SLC39A13: variants seen among roughly 807,000 people sequenced by gnomAD.
SLC39A13 encodes zinc transporter ZIP13.
SLC39A13 carries 18 observed loss-of-function variants against 38.7 expected under a neutral mutation model. That is an observed-to-expected ratio of 0.47 (90% confidence interval 0.32 to 0.69). The LOEUF (loss-of-function observed/expected upper bound fraction) is 0.69. Ranked by LOEUF, SLC39A13 falls within the 30% of genes least tolerant of loss-of-function variation. The probability of loss-of-function intolerance (pLI) is 0.03; values close to 1 mark genes in which losing one functional copy is unlikely to be tolerated. For missense variants in SLC39A13, 395 were observed against 490.7 expected (o/e 0.80, Z 1.84); for synonymous variants, 212 against 219.1 (o/e 0.97, Z 0.29).
Position 47,414,843 on chromosome 11 carries a change from T to C in SLC39A13, c.853T>C (p.Ser285Pro). 6.2e-7 allele frequency: 1 copy of C among 1,612,574 alleles called. No individual in the cohort carries two copies. Among genetic ancestry groups the C allele is most frequent in the Admixed American group, 1.7e-5 (1 of 60,030 alleles). Residue 285 changes from serine to proline, a missense_variant, in exon 8 of 10, where the codon TCA becomes CCA. Physicochemically the swap from Ser to Pro is moderately conservative, Grantham distance 74 (BLOSUM62 -1). Transcript: ENST00000362021. ...ATGGAGCGCAGCCAAGCTGCAACTC[T>C]CAACAGCGCTGGGGGGCCTACTGGG... ...DRWSAAKLQLSTALGGLLGAG... is the reference protein window; with the variant it reads ...DRWSAAKLQLPTALGGLLGAG...
chr11:47,411,647 T>A (rs1335625630), intron 2 of SLC39A13, among the ~76,000 whole-genome samples: 1 of 152,156 alleles, frequency 6.6e-6, no homozygotes, highest in East Asian at 1.9e-4. Context: ...AAGACCCAAT[T>A]TACAGATGGA....
chr11:47,411,892 G>A lies in SLC39A13; in HGVS notation c.302-34G>A, dbSNP rs1199818494. On this transcript the variant is annotated intron_variant, in intron 2 of 9. Transcript: ENST00000362021. ...AAGGTCAGGCCAGGAGCTCCAGCCA[G>A]TCAGCCCCCAGACCCCGCATCTCTC... 3 of 1,595,718 alleles carry A rather than the reference G, an allele frequency of 1.9e-6. No homozygotes were observed. In the East Asian group the frequency reaches 6.8e-5, roughly 36 times the overall value.
At position 47,414,443 on chromosome 11, in the gene SLC39A13, A is replaced by G. The variant is rs2096015441; in HGVS notation, c.754A>G (p.Met252Val). 1.9e-6 allele frequency: 3 copies of G among 1,611,930 alleles called. No individual in the cohort carries two copies. The highest frequency in any genetic ancestry group is 2.7e-5 in the African/African-American group (2 of 75,022). Residue 252 changes from methionine (M) to valine (V), a missense_variant, in exon 7 of 10, where the codon ATG (methionine) becomes GTG (valine). Met to Val is a conservative substitution (Grantham distance 21). Transcript: ENST00000362021. ...VSKKIGLLTT[M>V]AILLHEIPHE... is the part of the protein sequence containing the mutation. ...CCTGCAGATCGGGCTCCTGACAACC[A>G]TGGCCATCCTCCTGCATGAGATCCC...
chr11:47,413,327 C>G (rs573022778), intron 4 of SLC39A13, 73 bp from the exon 5 acceptor site: 1 of 1,465,852 alleles, frequency 6.8e-7, no homozygotes, highest in South Asian at 1.2e-5. Flanking sequence ...TTCTCCATCT[C>G]TCTCCCCTTC....
chr11:47,411,917 C>G lies in SLC39A13; in HGVS notation c.302-9C>G. 3 of 1,611,574 alleles carry G rather than the reference C, an allele frequency of 1.9e-6. No individual in the cohort carries two copies. The highest frequency in any genetic ancestry group is 2.5e-6 in the Non-Finnish European group (3 of 1,178,980). ...GTCAGCCCCCAGACCCCGCATCTCTCCCTTGTAGCTGGGGCCTGGCGCCTG... is the reference window on the plus strand; with the variant it reads ...GTCAGCCCCCAGACCCCGCATCTCTGCCTTGTAGCTGGGGCCTGGCGCCTG... On this transcript the variant is annotated splice_polypyrimidine_tract_variant and intron_variant, in intron 2 of 9. Transcript: ENST00000362021.
At position 47,413,638 on chromosome 11, in the gene SLC39A13, C is replaced by T. The variant is rs2153299573; in HGVS notation, c.687C>T (p.Asn229=). Residue 229 remains asparagine (N), a synonymous_variant, in exon 6 of 10, where the codon AAC becomes AAT. Transcript: ENST00000362021. ...YLNLLANTID[N]FTHGLAVAAS... is the part of the protein sequence containing the mutation. Reference sequence around the variant, plus strand: ...ACCTGCTGGCCAACACCATCGATAACTTCACCCACGGGCTGGCTGTGGCTG... The same window carrying T: ...ACCTGCTGGCCAACACCATCGATAATTTCACCCACGGGCTGGCTGTGGCTG... 6.2e-7 allele frequency: 1 copy of T among 1,614,254 alleles called. No individual in the cohort carries two copies. Among genetic ancestry groups the T allele is most frequent in the African/African-American group, 1.3e-5 (1 of 75,080 alleles).
chr11:47,408,301 T>C (rs1021093155), upstream of SLC39A13, among the ~76,000 whole-genome samples: 2 of 151,766 alleles, frequency 1.3e-5, no homozygotes, highest in Non-Finnish European at 2.9e-5. Flanking sequence ...TCGATCGCGG[T>C]CCCCGCAGAG....
At chr11:47,413,559 C>T in intron 5 of SLC39A13, 38 bp from the exon 6 acceptor site, 1 of 1,613,302 alleles carries the variant, frequency 6.2e-7, no homozygotes, top group Admixed American at 1.7e-5. Flanking sequence ...AGTGGCCAGC[C>T]CCACTCAGCC....
At chr11:47,412,740 A>G (rs1332825069) in intron 4 of SLC39A13, among the ~76,000 whole-genome samples, 1 of 151,896 alleles carries the variant, frequency 6.6e-6, no homozygotes, top group African/African-American at 2.4e-5. Flanking sequence ...TCTAGCTAGA[A>G]AAAACAGGGG....
chr11:47,411,247 G>T (rs990236282), intron 2 of SLC39A13, among the ~76,000 whole-genome samples: 1 of 152,190 alleles, frequency 6.6e-6, no homozygotes, highest in South Asian at 2.1e-4. Flanking sequence ...ACTTTTCTGA[G>T]AGTGACAGCA....
chr11:47,412,253 G>A (rs1348369785), intron 3 of SLC39A13, 93 bp from the exon 4 acceptor site: 15 of 1,508,368 alleles, frequency 9.9e-6, no homozygotes, highest in African/African-American at 2.8e-5. Flanking sequence ...TCACTGCCCT[G>A]GTGCCCTGGA....
At chr11:47,411,785 G>A (rs1321565293) in intron 2 of SLC39A13, 141 bp from the exon 3 acceptor site, 1 of 769,632 alleles carries the variant, frequency 1.3e-6, no homozygotes, top group Non-Finnish European at 2.2e-6. Context: ...TGTTTCTGCT[G>A]TGAGGTGGGG....
Position 47,410,093 on chromosome 11 carries a change from G to A in SLC39A13, c.-2G>A. The A allele has an allele frequency of 6.2e-7, 1 of 1,612,706 alleles. No homozygotes were observed. Among genetic ancestry groups the A allele is most frequent in the Non-Finnish European group, 8.5e-7 (1 of 1,179,986 alleles). ...GGCCTTTTGTGTTTTTCAGTACGTG[G>A]CATGCCTGGATGTCCCTGCCCTGGC... On this transcript the variant is annotated 5_prime_UTR_variant, in exon 2 of 10. An upstream open reading frame in the 5' UTR gains an earlier in-frame stop. Transcript: ENST00000362021.
At position 47,410,312 on chromosome 11, in the gene SLC39A13, T is replaced by C; in HGVS notation, c.218T>C (p.Leu73Pro). ...ERLDTWICSL[L>P]GSLMVGLSGV... ...CTGGACACCTGGATCTGCTCCCTCC[T>C]GGGTTCCCTCATGGTGGGGCTCAGT... is the stretch of plus-strand genomic sequence containing the variant. Residue 73 changes from leucine (L) to proline (P), a missense_variant, in exon 2 of 10, where the codon CTG (leucine) becomes CCG (proline). Leu to Pro is a moderately conservative substitution (Grantham distance 98). Coordinates refer to ENST00000362021, the MANE Select transcript of SLC39A13 (RefSeq NM_001128225.3). 6.2e-7 allele frequency: 1 copy of C among 1,614,106 alleles called. No individual in the cohort carries two copies. Among genetic ancestry groups the C allele is most frequent in the East Asian group, 2.2e-5 (1 of 44,866 alleles).
Position 47,413,405 on chromosome 11 carries a change from C to A in SLC39A13, c.543C>A (p.Pro181=). 6.2e-7 allele frequency: 1 copy of A among 1,614,132 alleles called. No homozygotes were observed. The highest frequency in any genetic ancestry group is 8.5e-7 in the Non-Finnish European group (1 of 1,179,978). The change falls in exon 5 of 10, where the codon CCC becomes CCA. Residue 181 remains proline, a synonymous_variant. Transcript: ENST00000362021. The part of the protein sequence containing the change: ...DSKEEGTSQA[P]NKDPTAAAAA... ...CCTCCTTCTCCTGGCCCTAGGCCCC[C>A]AACAAAGACCCCACTGCTGCTGCCG...
Position 47,414,506 on chromosome 11 carries a change from C to A in SLC39A13, c.786+31C>A, listed in dbSNP as rs201203848. 3 of 1,607,964 alleles carry A rather than the reference C, an allele frequency of 1.9e-6. No individual in the cohort carries two copies. In the Admixed American group the frequency reaches 5.1e-5, roughly 27 times the overall value. ...CGCTTGTAGGGCAGCCCCCAGGGGC[C>A]CAGGCCCCCACAGTGCCCATGATCA... On this transcript the variant is annotated intron_variant, in intron 7 of 9. Coordinates refer to ENST00000362021, the MANE Select transcript of SLC39A13 (RefSeq NM_001128225.3).
Position 47,415,487 on chromosome 11 carries a change from C to G in SLC39A13, c.*124C>G. On this transcript the variant is annotated 3_prime_UTR_variant, in exon 10 of 10. Transcript: ENST00000362021. ...GAGAGAGAATGAGCCTCCCGCCAGA[C>G]AGGAGGGAGGTGCGTGTGGATGTAT... is the stretch of plus-strand genomic sequence containing the variant. 9.1e-7 allele frequency: 1 copy of G among 1,095,474 alleles called. No individual in the cohort carries two copies. Among genetic ancestry groups the G allele is most frequent in the Non-Finnish European group, 1.4e-6 (1 of 727,980 alleles). The allele number at this position is 1,095,474 out of a possible 1,614,324, so 67.9% of individuals were successfully genotyped here. A position where few individuals can be genotyped will look rare whatever the true frequency, so the allele number is the denominator to read the frequency against.
chr11:47,413,817 C>T, intron 6 of SLC39A13, 131 bp downstream of exon 6: 1 of 975,640 alleles, frequency 1.0e-6, no homozygotes. Context: ...ATCCCCCATC[C>T]TCCCTGCTGC....
intron 3 of SLC39A13, 135 bp downstream of exon 3, chr11:47,412,174 T>A: frequency 1.6e-6 from 2 of 1,250,354 alleles, no homozygotes; most frequent in East Asian, 2.5e-5. Flanking sequence ...GGAGGGAGGG[T>A]CATTGTCCTG....
Sources: gnomAD v4.1 joint callset for allele counts (sites outside exome capture counted in the v4.1 genomes callset) on GRCh38, gnomAD v4.1.1 for gene constraint, MANE v1.5 for transcripts, NCBI Gene and HGNC (gene_info 2026-07-23, HGNC 2026-07-21) for gene names.